The following HNRNPLL variants were observed in gnomAD, a reference collection of about 807,000 sequenced individuals.
HNRNPLL encodes heterogeneous nuclear ribonucleoprotein L like, also known as heterogeneous nuclear ribonucleoprotein L-like.
In HNRNPLL, 25 loss-of-function variants were observed where a neutral mutation model predicts 67.1. The ratio of observed to expected loss-of-function variants is 0.37; its 90% CI spans 0.27 to 0.52. The LOEUF (loss-of-function observed/expected upper bound fraction) is 0.52, where lower values mean the gene tolerates loss of function less well. HNRNPLL is among the 20% of genes least tolerant of loss of function. The pLI, the probability that HNRNPLL is intolerant of heterozygous loss-of-function variation, is 0.90. For missense variants in HNRNPLL, 542 were observed against 673.9 expected, an observed-to-expected ratio of 0.80 and a Z score of 2.17; for synonymous variants, 267 against 241.7, an observed-to-expected ratio of 1.10 and a Z score of -0.97.
rs564532650 is a variant in HNRNPLL at position 38,587,785 on chromosome 2, A to G, written c.309-1904T>C. 3.9e-5 allele frequency among the ~76,000 whole-genome samples: 6 copies of G among 152,322 alleles called. No individual in the cohort carries two copies. The East Asian group carries it at 1.2e-3, about 29-fold the overall frequency. ...ATGGTGTGGCTCTGTGTCCCCATCCAAACCTCGTATTGAATTGTGATCGCC... is the reference window on the plus strand; with the variant it reads ...ATGGTGTGGCTCTGTGTCCCCATCCGAACCTCGTATTGAATTGTGATCGCC... On this transcript the variant is annotated intron_variant, in intron 2 of 12. Transcript: ENST00000449105.
At position 38,599,342 on chromosome 2, in the gene HNRNPLL, C is replaced by G. The variant is rs1023555427; in HGVS notation, c.189+3096G>C. Among the ~76,000 whole-genome samples, 4 of 152,182 alleles carry G rather than the reference C, an allele frequency of 2.6e-5. No individual in the cohort carries two copies. The East Asian group carries it at 7.7e-4, about 29-fold the overall frequency. On this transcript the variant is annotated intron_variant, in intron 1 of 12. Coordinates refer to ENST00000449105, the MANE Select transcript of HNRNPLL (RefSeq NM_138394.4). ...CTCCAAAATAAATTAGCACTCCATC[C>G]CAATTCCTCAAGTGGTTTTCCCAAG...
Position 38,569,190 on chromosome 2 carries a change from G to C in HNRNPLL, c.1359C>G (p.Ser453=), listed in dbSNP as rs753838110. 9 of 1,613,432 alleles carry C rather than the reference G, an allele frequency of 5.6e-6. No individual in the cohort carries two copies. In the Admixed American group the frequency reaches 1.3e-4, roughly 24 times the overall value. ...GAACATTATAATAATGCAAAACACA[G>C]GAGGGTGGCTGGATTATATTCTTAG... ...QASKNIIQPP[S]CVLHYYNVPL... Residue 453 remains serine, a synonymous_variant, in exon 10 of 13, where the codon TCC becomes TCG. Coordinates refer to ENST00000449105, the MANE Select transcript of HNRNPLL (RefSeq NM_138394.4).
In HNRNPLL at chr2:38,569,935, C is replaced by T; in HGVS notation, c.1093-10G>A. 6.4e-7 allele frequency: 1 copy of T among 1,567,174 alleles called. No homozygotes were observed. Among genetic ancestry groups the T allele is most frequent in the Non-Finnish European group, 8.6e-7 (1 of 1,157,914 alleles). ...TCTTCATAAATTTTACCTGTAAACA[C>T]AAAATTCCAAAAAGGTGACCATTTA... On this transcript the variant is annotated splice_polypyrimidine_tract_variant and intron_variant, in intron 8 of 12. Transcript: ENST00000449105.
intron 1 of HNRNPLL, among the ~76,000 whole-genome samples, chr2:38,592,105 GAATAA>G (rs918008036): frequency 1.3e-5 from 2 of 152,098 alleles, no homozygotes; most frequent in Admixed American, 6.5e-5. Flanking sequence ...AAGGATATGA[GAATAA>G]AATAAATGTT....
intron 2 of HNRNPLL, among the ~76,000 whole-genome samples, chr2:38,588,503 C>T (rs1029299670): frequency 1.5e-5 from 2 of 137,810 alleles, no homozygotes; most frequent in South Asian, 2.3e-4. Context: ...GAGCCAAGAT[C>T]GCGCCACTGC....
chr2:38,588,153 T>C (rs1277642680), intron 2 of HNRNPLL, among the ~76,000 whole-genome samples: 1 of 152,186 alleles, frequency 6.6e-6, no homozygotes, highest in Non-Finnish European at 1.5e-5. Flanking sequence ...AAATACGTCT[T>C]TATAGCAATA....
At chr2:38,577,288 C>T (rs1389858581) in intron 7 of HNRNPLL, among the ~76,000 whole-genome samples, 173 bp downstream of exon 7, 1 of 151,782 alleles carries the variant, frequency 6.6e-6, no homozygotes. Context: ...AAATCATTAT[C>T]CTAAGAAAAC....
At chr2:38,599,978 T>A (rs1238184682) in intron 1 of HNRNPLL, 3 of 461,578 alleles carry the variant, frequency 6.5e-6, no homozygotes, top group Non-Finnish European at 1.3e-5. Flanking sequence ...AAAACCCTTT[T>A]CGGTTACAAT....
intron 6 of HNRNPLL, among the ~76,000 whole-genome samples, chr2:38,579,140 G>C (rs116444147): frequency 6.6e-6 from 1 of 152,090 alleles, no homozygotes; most frequent in South Asian, 2.1e-4. Context: ...ACAGTTAACA[G>C]TGTGCTATAA....
chr2:38,586,848 A>G (rs1344076308), intron 2 of HNRNPLL, among the ~76,000 whole-genome samples: 1 of 152,174 alleles, frequency 6.6e-6, no homozygotes, highest in Non-Finnish European at 1.5e-5. Flanking sequence ...AGCCAAAAAA[A>G]CCCCAAAATA....
intron 1 of HNRNPLL, among the ~76,000 whole-genome samples, chr2:38,594,867 C>T (rs1189417852): frequency 6.6e-6 from 1 of 151,802 alleles, no homozygotes; most frequent in African/African-American, 2.4e-5. Context: ...TTGCTTAAAC[C>T]AAGTAGGCAA....
chr2:38,575,163 T>G (rs1187037906), intron 7 of HNRNPLL, among the ~76,000 whole-genome samples: 1 of 151,818 alleles, frequency 6.6e-6, no homozygotes, highest in Non-Finnish European at 1.5e-5. Flanking sequence ...ATGTTTATAA[T>G]TATGACTTTG....
chr2:38,594,400 G>A (rs866439305), intron 1 of HNRNPLL, among the ~76,000 whole-genome samples: 7 of 151,988 alleles, frequency 4.6e-5, no homozygotes, highest in Admixed American at 2.0e-4. Context: ...GGAACATTGC[G>A]ATATTTAGGC....
At chr2:38,591,403 C>A in intron 2 of HNRNPLL, 127 bp downstream of exon 2, 2 of 672,392 alleles carry the variant, frequency 3.0e-6, no homozygotes, top group African/African-American at 1.8e-5. Flanking sequence ...CATAGGCAAA[C>A]AATAGATACT....
intron 12 of HNRNPLL, chr2:38,566,040 T>A (rs1295473879): frequency 1.0e-6 from 1 of 987,826 alleles, no homozygotes; most frequent in East Asian, 1.1e-4. Flanking sequence ...TTAAATACCC[T>A]GGAGATCCAG....
intron 2 of HNRNPLL, among the ~76,000 whole-genome samples, chr2:38,588,215 C>T (rs1666809465): frequency 6.6e-6 from 1 of 152,074 alleles, no homozygotes; most frequent in Non-Finnish European, 1.5e-5. Context: ...TATTTATTGG[C>T]CTGTTATAGA....
rs939788105 is a variant in HNRNPLL, at chr2:38,602,879, C to G, written c.-253G>C. 6.5e-7 allele frequency: 1 copy of G among 1,532,404 alleles called. No homozygotes were observed. The highest frequency in any genetic ancestry group is 8.8e-7 in the Non-Finnish European group (1 of 1,133,230). The allele number at this position is 1,532,404 out of a possible 1,614,324, so 94.9% of individuals were successfully genotyped here. Reference sequence around the variant, plus strand: ...TACCGAGCCAACATTCAGCCTCTCCCTCCTCCTCCTCCGTCTCCGCTCCCT... The same window carrying G: ...TACCGAGCCAACATTCAGCCTCTCCGTCCTCCTCCTCCGTCTCCGCTCCCT... On this transcript the variant is annotated 5_prime_UTR_variant, in exon 1 of 13. Transcript: ENST00000449105.
intron 6 of HNRNPLL, chr2:38,581,275 T>C (rs896800388): frequency 6.6e-6 from 1 of 152,304 alleles, no homozygotes; most frequent in Non-Finnish European, 1.5e-5. Flanking sequence ...TCTTAAATTC[T>C]ACAACTGAAA....
intron 6 of HNRNPLL, chr2:38,577,819 G>A: frequency 4.5e-6 from 2 of 449,318 alleles, no homozygotes; most frequent in Non-Finnish European, 8.7e-6. Flanking sequence ...TTTTCAGAAA[G>A]TGAATGTACA....
Sources: gnomAD v4.1 joint callset for allele counts (sites outside exome capture counted in the v4.1 genomes callset) on GRCh38, gnomAD v4.1.1 for gene constraint, MANE v1.5 for transcripts, NCBI Gene and HGNC (gene_info 2026-07-23, HGNC 2026-07-21) for gene names.